Variants in RNF145 observed in about 807,000 individuals in gnomAD.
The protein encoded by RNF145 is ring finger protein 145.
RNF145 carries 12 observed loss-of-function variants against 57.3 expected under a neutral mutation model. That is an observed-to-expected ratio of 0.21 (90% CI 0.13 to 0.34). The LOEUF is 0.34. Among genes scored for constraint, RNF145 ranks in the 10% least tolerant of loss-of-function variants. The pLI is 1.00. For synonymous variants in RNF145, 262 were observed against 288.3 expected (o/e 0.91, Z 0.92); for missense variants, 429 against 799.0 (o/e 0.54, Z 5.58).
intron 6 of RNF145, among the ~76,000 whole-genome samples, chr5:159,172,430 G>A (rs997000175): frequency 5.9e-5 from 9 of 151,908 alleles, no homozygotes; most frequent in African/African-American, 1.7e-4. Context: ...GCAGTGAGCC[G>A]AGATTGTGCC....
chr5:159,201,887 G>A (rs941793831), intron 2 of RNF145, among the ~76,000 whole-genome samples: 1 of 152,100 alleles, frequency 6.6e-6, no homozygotes, highest in African/African-American at 2.4e-5. Flanking sequence ...TCTGAATGTA[G>A]ATACATTATT....
At chr5:159,185,787 T>G (rs1472224225) in intron 3 of RNF145, among the ~76,000 whole-genome samples, 1 of 152,220 alleles carries the variant, frequency 6.6e-6, no homozygotes, top group Admixed American at 6.5e-5. Flanking sequence ...ATAAAATATT[T>G]TCCTTCTTAA....
At chr5:159,199,719 C>T (rs1489679851) in intron 2 of RNF145, among the ~76,000 whole-genome samples, 1 of 152,140 alleles carries the variant, frequency 6.6e-6, no homozygotes, top group Non-Finnish European at 1.5e-5. Context: ...CCCACTGACC[C>T]ACCACGACCT....
intron 1 of RNF145, among the ~76,000 whole-genome samples, chr5:159,207,129 CCATT>C (rs1351555507): frequency 6.6e-6 from 1 of 152,118 alleles, no homozygotes; most frequent in Non-Finnish European, 1.5e-5. Context: ...GTACAGTTTA[CCATT>C]CAAATTTGTG....
At chr5:159,161,649 T>C in intron 9 of RNF145, 27 bp from the exon 10 acceptor site, 1 of 1,268,084 alleles carries the variant, frequency 7.9e-7, no homozygotes, top group Non-Finnish European at 1.1e-6. Flanking sequence ...AATGTACGTA[T>C]CTTGAAATAT....
At chr5:159,189,117 T>C (rs890637005) in intron 3 of RNF145, among the ~76,000 whole-genome samples, 6 of 151,898 alleles carry the variant, frequency 4.0e-5, no homozygotes, top group African/African-American at 1.2e-4. Flanking sequence ...GACTTGTATA[T>C]ATTTGCAAAT....
chr5:159,186,425 G>A (rs2113175483), intron 3 of RNF145, among the ~76,000 whole-genome samples: 1 of 152,266 alleles, frequency 6.6e-6, no homozygotes, highest in Middle Eastern at 3.4e-3. Flanking sequence ...GGACAACCTA[G>A]GAACAACTTG....
chr5:159,195,581 G>A (rs1157651729), intron 2 of RNF145, among the ~76,000 whole-genome samples: 3 of 152,014 alleles, frequency 2.0e-5, no homozygotes, highest in Non-Finnish European at 4.4e-5. Context: ...TCCAGGCAAC[G>A]ACCATCAAAA....
At chr5:159,162,560 G>A (rs1345232248) in intron 9 of RNF145, among the ~76,000 whole-genome samples, 13 of 149,886 alleles carry the variant, frequency 8.7e-5, no homozygotes, top group African/African-American at 2.5e-4. Flanking sequence ...TCAGCCTCCC[G>A]AGTAGCTGGG....
At chr5:159,187,243 T>C (rs1411816282) in intron 3 of RNF145, among the ~76,000 whole-genome samples, 1 of 151,078 alleles carries the variant, frequency 6.6e-6, no homozygotes, top group African/African-American at 2.4e-5. Context: ...GATCACGCCA[T>C]TGCACTCCAG....
rs897865732 is a variant in RNF145, at chr5:159,203,743, A to T, written c.-39-87T>A. 7 of 775,210 alleles carry T rather than the reference A, an allele frequency of 9.0e-6. No individual in the cohort carries two copies. In the African/African-American group the frequency reaches 1.2e-4, roughly 14 times the overall value. The allele number at this position is 775,210 out of a possible 1,614,324, so 48.0% of individuals were successfully genotyped here. A position where few individuals can be genotyped will look rare whatever the true frequency, so the allele number is the denominator to read the frequency against. ...CCTTTCACGAATCTAATAGGTTGTC[A>T]CACACTGTACAAAACTATGTGAGAA... is the stretch of plus-strand genomic sequence containing the variant. On this transcript the variant is annotated intron_variant, in intron 1 of 10. Transcript: ENST00000424310.
chr5:159,209,054 G>A (rs1035831360), intron 1 of RNF145, among the ~76,000 whole-genome samples, 177 bp downstream of exon 1: 1 of 151,950 alleles, frequency 6.6e-6, no homozygotes, highest in South Asian at 2.1e-4. Flanking sequence ...CGGCTGAAGA[G>A]GGGATGTGGA....
At chr5:159,203,355 T>C in intron 2 of RNF145, 79 bp downstream of exon 2, 1 of 979,992 alleles carries the variant, frequency 1.0e-6, no homozygotes, top group African/African-American at 1.6e-5. Flanking sequence ...GAACTTCATT[T>C]TACCCAAATT....
chr5:159,167,650 G>A lies in RNF145; in HGVS notation c.1121+1223C>T, dbSNP rs150022180. Among the ~76,000 whole-genome samples the A allele has an allele frequency of 3.4e-3, 512 of 152,186 alleles. 4 individuals are homozygous for A. The highest frequency in any genetic ancestry group is 0.012 in the African/African-American group (486 of 41,506). On this transcript the variant is annotated intron_variant, in intron 8 of 10. Coordinates refer to ENST00000424310, the MANE Select transcript of RNF145 (RefSeq NM_001199383.2). The stretch of plus-strand genomic sequence containing the variant: ...ATCTACTAAGTGGCTATTTAATTGC[G>A]CTCACCCTTGAGTTCAACATTTTAA...
intron 6 of RNF145, among the ~76,000 whole-genome samples, chr5:159,173,297 A>T (rs1784614332): frequency 6.6e-6 from 1 of 152,104 alleles, no homozygotes; most frequent in Non-Finnish European, 1.5e-5. Context: ...TTTTATGTAT[A>T]GCCCAAGACA....
chr5:159,208,191 A>G (rs959494563), intron 1 of RNF145: 77 of 1,351,518 alleles, frequency 5.7e-5, no homozygotes, highest in Non-Finnish European at 6.8e-5. Context: ...GCTCGCGGCA[A>G]GCAGGCAGCG....
intron 8 of RNF145, among the ~76,000 whole-genome samples, chr5:159,165,682 C>CAAAA (rs1327516925): frequency 3.5e-4 from 1 of 2,880 alleles, no homozygotes. Flanking sequence ...GACTCCGTCT[C>CAAAA]AAAAAAAAAA....
chr5:159,184,144 T>C (rs539067103), intron 3 of RNF145, among the ~76,000 whole-genome samples: 1 of 152,334 alleles, frequency 6.6e-6, no homozygotes, highest in Non-Finnish European at 1.5e-5. Context: ...TTCTTTCCAC[T>C]GTTTGGTTTT....
At chr5:159,162,860 AT>A (rs1450153075) in intron 9 of RNF145, 71 bp downstream of exon 9, 10 of 1,281,102 alleles carry the variant, frequency 7.8e-6, no homozygotes, top group African/African-American at 1.5e-5. Flanking sequence ...TCTTGAAAAA[AT>A]TTAATTCCTC....
Sources: gnomAD v4.1 joint callset for allele counts (sites outside exome capture counted in the v4.1 genomes callset) on GRCh38, gnomAD v4.1.1 for gene constraint, MANE v1.5 for transcripts, NCBI Gene and HGNC (gene_info 2026-07-23, HGNC 2026-07-21) for gene names.